The following DYNC2H1 variants were observed in gnomAD, a reference collection of about 807,000 sequenced individuals.
The protein encoded by DYNC2H1 is dynein cytoplasmic 2 heavy chain 1.
Under a neutral mutation model 570.0 loss-of-function variants are expected in DYNC2H1, and 410 were observed. That is an observed-to-expected ratio of 0.72 (90% CI 0.66 to 0.78). DYNC2H1 has a LOEUF of 0.78. DYNC2H1 is among the 30% of genes least tolerant of loss of function. DYNC2H1 has a pLI of 0.00. For synonymous variants in DYNC2H1, 1,688 were observed against 1,677.6 expected, an observed-to-expected ratio of 1.01 and a Z score of -0.15; for missense variants, 4,865 against 5,046.4, an observed-to-expected ratio of 0.96 and a Z score of 1.09.
Position 103,456,327 on chromosome 11 carries a change from C to A in DYNC2H1, c.12619C>A (p.Arg4207=). 1 of 1,607,058 alleles carries A rather than the reference C, an allele frequency of 6.2e-7. No individual in the cohort carries two copies. The highest frequency in any genetic ancestry group is 1.7e-4 in the Middle Eastern group (1 of 6,056). Residue 4207 remains arginine, a synonymous_variant, in exon 87 of 89, where the codon CGA becomes AGA. Coordinates refer to ENST00000375735, the MANE Select transcript of DYNC2H1 (RefSeq NM_001377.3). ...TAAATTTGTAGCCTCATGGAAAGGT[C>A]GACTGCAAGAAGCAAAGCTACAAAT... is the stretch of plus-strand genomic sequence containing the variant. ...SLKFVASWKG[R]LQEAKLQIKI...
In DYNC2H1 at chr11:103,211,842, T is replaced by C. The variant is rs1430269731; in HGVS notation, c.8593T>C (p.Tyr2865His). The change falls in exon 54 of 89, where the codon TAT becomes CAT. Residue 2865 changes from tyrosine to histidine, a missense_variant. Tyr to His is a moderately conservative substitution (Grantham distance 83, BLOSUM62 2). Transcript: ENST00000375735. Reference sequence around the variant, plus strand: ...ATTAATCCATGAATCTTGTAAAGCATATGGTGCTACACCAAGCCGATACAT... The same window carrying C: ...ATTAATCCATGAATCTTGTAAAGCACATGGTGCTACACCAAGCCGATACAT... Reference protein sequence around the residue: ...FLLIHESCKAYGATPSRYMTF... With the variant: ...FLLIHESCKAHGATPSRYMTF... 19 of 1,478,988 alleles carry C rather than the reference T, an allele frequency of 1.3e-5. No homozygotes were observed. Among genetic ancestry groups the C allele is most frequent in the South Asian group, 3.0e-5 (2 of 67,300 alleles). The allele number at this position is 1,478,988 out of a possible 1,614,324, so 91.6% of individuals were successfully genotyped here.
At chr11:103,433,380 C>G (rs1262029856) in intron 84 of DYNC2H1, among the ~76,000 whole-genome samples, 1 of 151,982 alleles carries the variant, frequency 6.6e-6, no homozygotes, top group Non-Finnish European at 1.5e-5. Context: ...ATTGGTAACT[C>G]TCTTAACCAT....
chr11:103,464,138 C>T (rs1945113401), intron 87 of DYNC2H1, among the ~76,000 whole-genome samples: 5 of 152,038 alleles, frequency 3.3e-5, no homozygotes, highest in Non-Finnish European at 5.9e-5. Context: ...AAAAATCTGA[C>T]AAAAAAGTTA....
chr11:103,354,192 A>AT (rs1220675978), intron 82 of DYNC2H1, among the ~76,000 whole-genome samples: 59 of 149,770 alleles, frequency 3.9e-4, no homozygotes, highest in East Asian at 3.2e-3. Context: ...AAAAAAAAAA[A>AT]AAAAAAAAAA....
chr11:103,215,837 A>G lies in DYNC2H1; in HGVS notation c.8811A>G (p.Gln2937=), dbSNP rs761844547. 1.6e-5 allele frequency: 26 copies of G among 1,612,798 alleles called. No individual in the cohort carries two copies. The highest frequency in any genetic ancestry group is 1.9e-5 in the Non-Finnish European group (22 of 1,179,374). Residue 2937 remains glutamine, a synonymous_variant, in exon 55 of 89, where the codon CAA becomes CAG. Coordinates refer to ENST00000375735, the MANE Select transcript of DYNC2H1 (RefSeq NM_001377.3). ...AAGATGAAGCAGATGCTGCCCTTCAAATGATCACAGTGTCAATGCAGGTAA... is the reference window on the plus strand; with the variant it reads ...AAGATGAAGCAGATGCTGCCCTTCAGATGATCACAGTGTCAATGCAGGTAA... The part of the protein sequence containing the change: ...TKQDEADAAL[Q]MITVSMQDAS...
rs1336287941 is a variant in DYNC2H1, at chr11:103,311,876, A to G, written c.11494-2A>G. On this transcript the variant is annotated splice_acceptor_variant, in intron 78 of 88. Transcript: ENST00000375735. LOFTEE classifies it high-confidence loss of function. The stretch of plus-strand genomic sequence containing the variant: ...TAGGATGTCTGTTGATTTTTTTTCT[A>G]GTCACCTCCAGGTTTAAAGAAGAAT... The G allele has an allele frequency of 4.4e-6, 7 of 1,600,012 alleles. No individual in the cohort carries two copies. The highest frequency in any genetic ancestry group is 1.3e-5 in the African/African-American group (1 of 74,260).
chr11:103,350,541 T>C (rs996579672), intron 82 of DYNC2H1, among the ~76,000 whole-genome samples: 1 of 152,200 alleles, frequency 6.6e-6, no homozygotes, highest in African/African-American at 2.4e-5. Flanking sequence ...CTTCATTTTA[T>C]AGATACCATT....
intron 87 of DYNC2H1, among the ~76,000 whole-genome samples, chr11:103,466,048 G>A (rs1406613465): frequency 6.6e-6 from 1 of 152,032 alleles, no homozygotes; most frequent in Non-Finnish European, 1.5e-5. Context: ...TCATTATTAA[G>A]CAATGGCAGT....
chr11:103,456,304 A>C lies in DYNC2H1; in HGVS notation c.12596A>C (p.Lys4199Thr), dbSNP rs768716555. 6.2e-7 allele frequency: 1 copy of C among 1,609,804 alleles called. No homozygotes were observed. Among genetic ancestry groups the C allele is most frequent in the Non-Finnish European group, 8.5e-7 (1 of 1,177,758 alleles). ...RAVGRSVDSL[K>T]FVASWKGRLQ... ...GTGGGTCGTTCTGTGGATAGCCTTAAATTTGTAGCCTCATGGAAAGGTCGA... is the reference window on the plus strand; with the variant it reads ...GTGGGTCGTTCTGTGGATAGCCTTACATTTGTAGCCTCATGGAAAGGTCGA... Residue 4199 changes from lysine to threonine, a missense_variant, in exon 87 of 89, where the codon AAA becomes ACA. Physicochemically the swap from Lys to Thr is moderately conservative, Grantham distance 78. Transcript: ENST00000375735.
At chr11:103,331,825 G>A (rs534143887) in intron 82 of DYNC2H1, among the ~76,000 whole-genome samples, 1 of 152,304 alleles carries the variant, frequency 6.6e-6, no homozygotes, top group East Asian at 1.9e-4. Flanking sequence ...ACTTTGGGAG[G>A]CTGAGGTGGG....
rs1360075670 is a variant in DYNC2H1 at position 103,243,102 on chromosome 11, C to T, written c.9820-591C>T. Among the ~76,000 whole-genome samples the T allele has an allele frequency of 6.6e-6, 1 of 152,068 alleles. No individual in the cohort carries two copies. Among genetic ancestry groups the T allele is most frequent in the Non-Finnish European group, 1.5e-5 (1 of 68,024 alleles). ...TAACCTACAGCCCATGTAATTTTCT[C>T]TTCCAGGATACTCCTTTAGTAATAT... is the stretch of plus-strand genomic sequence containing the variant. On this transcript the variant is annotated intron_variant, in intron 63 of 88. Transcript: ENST00000375735. The surrounding 1 kb of genome is among the most constrained non-coding windows in gnomAD (Gnocchi z 4.8).
At chr11:103,467,938 C>T (rs1472177620) in intron 87 of DYNC2H1, among the ~76,000 whole-genome samples, 3 of 152,090 alleles carry the variant, frequency 2.0e-5, no homozygotes, top group Non-Finnish European at 2.9e-5. Context: ...CTATAAATGC[C>T]AAATACTGAC....
chr11:103,220,126 G>T, intron 56 of DYNC2H1, 98 bp downstream of exon 56: 2 of 647,686 alleles, frequency 3.1e-6, no homozygotes, highest in Non-Finnish European at 2.4e-6. Flanking sequence ...TTTTCTCATA[G>T]TATTATAAAA....
At chr11:103,262,338 G>C (rs1865331868) in intron 70 of DYNC2H1, among the ~76,000 whole-genome samples, 2 of 152,156 alleles carry the variant, frequency 1.3e-5, no homozygotes, top group Admixed American at 1.3e-4. Flanking sequence ...TCAAATTCAG[G>C]AAGTACAGAG....
Position 103,464,043 on chromosome 11 carries a change from A to G in DYNC2H1, c.12649-4546A>G, listed in dbSNP as rs577869982. ...ACCTAGAATCCAAAATCCAAAGTAAATGGGAAAAAAAATCTAATCCAAAAA... is the reference window on the plus strand; with the variant it reads ...ACCTAGAATCCAAAATCCAAAGTAAGTGGGAAAAAAAATCTAATCCAAAAA... On this transcript the variant is annotated intron_variant, in intron 87 of 88. Coordinates refer to ENST00000375735, the MANE Select transcript of DYNC2H1 (RefSeq NM_001377.3). Among the ~76,000 whole-genome samples the G allele has an allele frequency of 2.0e-5, 3 of 152,304 alleles. No homozygotes were observed. The Middle Eastern group carries it at 0.01, about 518-fold the overall frequency.
Position 103,323,893 on chromosome 11 carries a change from G to C in DYNC2H1, c.11942G>C (p.Arg3981Pro). The C allele has an allele frequency of 6.2e-7, 1 of 1,611,036 alleles. No homozygotes were observed. The highest frequency in any genetic ancestry group is 8.5e-7 in the Non-Finnish European group (1 of 1,178,374). Residue 3981 changes from arginine (R) to proline (P), a missense_variant, in exon 82 of 89, where the codon CGT becomes CCT. By Grantham distance (103) the Arg-to-Pro change is moderately radical. This residue lies in a region of DYNC2H1 where 2,401 missense variants were observed against 2,454.6 expected (regional missense o/e 0.98). Transcript: ENST00000375735. ...LPQSCSILDY[R>P]AVIEKIPEDD... ...TCACTTCTTTATATTTAGGACTATC[G>C]TGCTGTCATTGAGAAAATTCCAGAG...
chr11:103,205,652 T>C lies in DYNC2H1; in HGVS notation c.8454+688T>C, dbSNP rs566778398. Among the ~76,000 whole-genome samples the C allele has an allele frequency of 1.2e-4, 19 of 152,262 alleles. No homozygotes were observed. Among genetic ancestry groups the C allele is most frequent in the African/African-American group, 4.6e-4 (19 of 41,564 alleles). On this transcript the variant is annotated intron_variant, in intron 52 of 88. Transcript: ENST00000375735. This position sits in a 1 kb window ranked among gnomAD's most constrained non-coding sequence, Gnocchi z 4.5. The stretch of plus-strand genomic sequence containing the variant: ...TTATTGGGTGCTTAGTAAGTACCAC[T>C]GTTCTATATATGTTGAGGACATAGC...
chr11:103,196,564 A>G (rs1040118624), intron 47 of DYNC2H1, among the ~76,000 whole-genome samples: 2 of 152,164 alleles, frequency 1.3e-5, no homozygotes, highest in Non-Finnish European at 2.9e-5. Flanking sequence ...AGTTTTTGGT[A>G]TATAAATTAT....
At chr11:103,135,101 A>G (rs1281227986) in intron 15 of DYNC2H1, among the ~76,000 whole-genome samples, 1 of 152,160 alleles carries the variant, frequency 6.6e-6, no homozygotes, top group Non-Finnish European at 1.5e-5. Context: ...TACGTAGTAG[A>G]TTTACATTAT....
Sources: gnomAD v4.1 joint callset for allele counts (sites outside exome capture counted in the v4.1 genomes callset) on GRCh38, gnomAD v4.1.1 for gene constraint, gnomAD v4.1.1 regional missense constraint, Gnocchi (gnomAD v3.1) non-coding constraint, MANE v1.5 for transcripts, NCBI Gene and HGNC (gene_info 2026-07-23, HGNC 2026-07-21) for gene names.